Variants in TMPRSS9 observed in about 807,000 individuals in gnomAD.
TMPRSS9 encodes transmembrane protease serine 9.
Under a neutral mutation model 111.4 loss-of-function variants are expected in TMPRSS9, and 113 were observed. The observed-to-expected ratio is 1.01, with a 90% CI of 0.87 to 1.19. TMPRSS9 has a LOEUF of 1.19. TMPRSS9 is among the 50% of genes most tolerant of loss of function. The pLI is 0.00. For missense variants in TMPRSS9, 1,803 were observed against 1,513.1 expected (o/e 1.19, Z -3.18); for synonymous variants, 805 against 659.1 (o/e 1.22, Z -3.39).
At chr19:2,360,856 A>G (rs757322) in intron 1 of TMPRSS9, among the ~76,000 whole-genome samples, 83,556 of 149,084 alleles carry the variant, frequency 0.56, 23,724 homozygotes, top group Non-Finnish European at 0.63. Flanking sequence ...TGTGGCTGAG[A>G]TTTCTAGACG....
At chr19:2,377,234 C>G (rs912138326) in intron 1 of TMPRSS9, among the ~76,000 whole-genome samples, 2 of 145,312 alleles carry the variant, frequency 1.4e-5, no homozygotes, top group Admixed American at 7.1e-5. Flanking sequence ...TACTTTCTTT[C>G]TTTTTTTACT....
exon 11 of TMPRSS9, chr19:2,415,767 A>C: frequency 6.2e-7 from 1 of 1,610,598 alleles, no homozygotes; most frequent in Non-Finnish European, 8.5e-7. Flanking sequence ...GCCTGAAGGA[A>C]GGGTCCCGGC....
At chr19:2,396,447 G>C (rs1970708804) in intron 1 of TMPRSS9, 92 bp from the exon 3 acceptor site, 1 of 1,428,860 alleles carries the variant, frequency 7.0e-7, no homozygotes, top group African/African-American at 1.4e-5. Context: ...CAGGGTGTGT[G>C]AGTGCAAACA....
At position 2,401,769 on chromosome 19, in the gene TMPRSS9, G is replaced by A. The variant is rs112780730; in HGVS notation, c.515-206G>A. Among the ~76,000 whole-genome samples, 1,022 of 151,496 alleles carry A rather than the reference G, an allele frequency of 6.7e-3. 9 individuals are homozygous for A. The highest frequency in any genetic ancestry group is 0.018 in the African/African-American group (747 of 41,338). ...ATTACAGGCGCCCGGCACCACACCC[G>A]TCTAATTTTTGTATTTTTAGTAGAG... is the stretch of plus-strand genomic sequence containing the variant. On this transcript the variant is annotated intron_variant, in intron 4 of 17. Coordinates refer to ENST00000648592, the Ensembl canonical transcript of TMPRSS9.
chr19:2,397,960 C>T (rs1192873154), intron 2 of TMPRSS9, among the ~76,000 whole-genome samples: 5 of 119,374 alleles, frequency 4.2e-5, no homozygotes, highest in African/African-American at 9.9e-5. Flanking sequence ...TGGTGGCTCA[C>T]GCCTGTGACG....
At chr19:2,408,253 G>T (rs1180098396) in intron 7 of TMPRSS9, 103 bp from the exon 9 acceptor site, 2 of 1,110,242 alleles carry the variant, frequency 1.8e-6, no homozygotes, top group Non-Finnish European at 2.6e-6. Context: ...ATATTAATGT[G>T]GGGGGATACC....
intron 1 of TMPRSS9, among the ~76,000 whole-genome samples, chr19:2,368,954 CTTT>C (rs35992012): frequency 7.3e-6 from 1 of 136,096 alleles, no homozygotes. Flanking sequence ...CCGGCTAATT[CTTT>C]TTTTTTTTTT....
chr19:2,387,676 T>C (rs1489166107), upstream of TMPRSS9, among the ~76,000 whole-genome samples: 2 of 151,694 alleles, frequency 1.3e-5, no homozygotes, highest in African/African-American at 2.4e-5. Context: ...GCCCGGAAAT[T>C]TGAAGTTGCA....
rs1971069326 is a variant in TMPRSS9 at position 2,410,350 on chromosome 19, A to G, written c.1210A>G (p.Met404Val). ...GTACGGCCATTCACTCACTGACAGG[A>G]TGGTGTGCGCTGGCTACCTGGACGG... Residue 404 changes from methionine to valine, a missense_variant, in exon 9 of 18, where the codon ATG becomes GTG. Physicochemically the swap from Met to Val is conservative, Grantham distance 21. Coordinates refer to ENST00000648592, the Ensembl canonical transcript of TMPRSS9. 3 of 1,614,060 alleles carry G rather than the reference A, an allele frequency of 1.9e-6. No homozygotes were observed. In the African/African-American group the frequency reaches 4.0e-5, roughly 22 times the overall value.
chr19:2,368,889 A>G (rs893895254), intron 1 of TMPRSS9, among the ~76,000 whole-genome samples: 3 of 147,870 alleles, frequency 2.0e-5, no homozygotes, highest in African/African-American at 7.5e-5. Context: ...GGCTCAAGCA[A>G]TTCTCCTGCC....
At chr19:2,381,633 C>G (rs1159517568) in intron 1 of TMPRSS9, among the ~76,000 whole-genome samples, 2 of 151,954 alleles carry the variant, frequency 1.3e-5, no homozygotes, top group East Asian at 3.9e-4. Context: ...CCCTGCCTCA[C>G]TCCCCGCCAC....
intron 1 of TMPRSS9, among the ~76,000 whole-genome samples, chr19:2,393,925 G>T (rs972541423): frequency 6.9e-6 from 1 of 144,524 alleles, no homozygotes; most frequent in East Asian, 2.0e-4. Context: ...AAAAAAAGCT[G>T]GGCGCGGTGG....
chr19:2,404,283 C>G (rs1219998781), intron 6 of TMPRSS9, among the ~76,000 whole-genome samples: 1 of 151,982 alleles, frequency 6.6e-6, no homozygotes, highest in Non-Finnish European at 1.5e-5. Flanking sequence ...AATCTTAATT[C>G]ATTTGAAATC....
At chr19:2,378,037 G>A (rs1259499254) in intron 1 of TMPRSS9, among the ~76,000 whole-genome samples, 2 of 151,764 alleles carry the variant, frequency 1.3e-5, no homozygotes, top group Admixed American at 1.3e-4. Flanking sequence ...ACCATGAAAG[G>A]TCAATTTTTA....
At chr19:2,392,814 T>G (rs1049299597) in intron 1 of TMPRSS9, among the ~76,000 whole-genome samples, 5 of 152,072 alleles carry the variant, frequency 3.3e-5, no homozygotes, top group African/African-American at 1.2e-4. Flanking sequence ...TTGGAGAAAT[T>G]TTAAGTCTAG....
exon 11 of TMPRSS9, chr19:2,415,804 G>T: frequency 6.2e-7 from 1 of 1,603,552 alleles, no homozygotes; most frequent in Non-Finnish European, 8.5e-7. Context: ...TGTGGTGGGG[G>T]ACCGCTGGCT....
intron 14 of TMPRSS9, among the ~76,000 whole-genome samples, chr19:2,422,743 C>T (rs1176367771): frequency 2.6e-5 from 4 of 152,122 alleles, no homozygotes; most frequent in East Asian, 1.9e-4. Flanking sequence ...ATAAAAAAAG[C>T]CAGGCATGGT....
chr19:2,378,778 C>T (rs1469391752), intron 1 of TMPRSS9, among the ~76,000 whole-genome samples: 1 of 152,138 alleles, frequency 6.6e-6, no homozygotes, highest in Non-Finnish European at 1.5e-5. Flanking sequence ...AATTGACTCA[C>T]AGTTCAGCAT....
intron 1 of TMPRSS9, among the ~76,000 whole-genome samples, chr19:2,391,052 G>GCA (rs1970579810): frequency 6.7e-6 from 1 of 148,282 alleles, no homozygotes; most frequent in Non-Finnish European, 1.5e-5. Flanking sequence ...AGGGAGGGAG[G>GCA]GAGGCAGGCA....
Sources: gnomAD v4.1 joint callset for allele counts (sites outside exome capture counted in the v4.1 genomes callset) on GRCh38, gnomAD v4.1.1 for gene constraint, MANE v1.5 for transcripts, NCBI Gene and HGNC (gene_info 2026-07-23, HGNC 2026-07-21) for gene names.